The following SLC35F3 variants were observed in gnomAD, a reference collection of about 807,000 sequenced individuals.
The protein encoded by SLC35F3 is putative thiamine transporter SLC35F3.
In SLC35F3, 25 loss-of-function variants were observed where a neutral mutation model predicts 49.9. That is an observed-to-expected ratio of 0.50 (90% CI 0.37 to 0.70). SLC35F3 has a LOEUF of 0.70. Among genes scored for constraint, SLC35F3 ranks in the 30% least tolerant of loss-of-function variants. The probability of loss-of-function intolerance (pLI) is 0.00; values close to 1 mark genes in which losing one functional copy is unlikely to be tolerated. For synonymous variants in SLC35F3, 275 were observed against 265.4 expected (o/e 1.04, Z -0.35); for missense variants, 525 against 639.8 (o/e 0.82, Z 1.94).
At chr1:234,057,327 A>T (rs1194121395) in intron 2 of SLC35F3, among the ~76,000 whole-genome samples, 1 of 152,160 alleles carries the variant, frequency 6.6e-6, no homozygotes, top group African/African-American at 2.4e-5. Context: ...AATCTTATTT[A>T]ATTTCTTTCA....
At chr1:233,932,652 A>T (rs1379518671) in intron 2 of SLC35F3, among the ~76,000 whole-genome samples, 3 of 152,192 alleles carry the variant, frequency 2.0e-5, no homozygotes, top group Non-Finnish European at 2.9e-5. Flanking sequence ...ATCTCTTAAA[A>T]AGGTGGTATT....
intron 2 of SLC35F3, among the ~76,000 whole-genome samples, chr1:234,153,180 C>A (rs1289598344): frequency 6.6e-6 from 1 of 152,152 alleles, no homozygotes; most frequent in African/African-American, 2.4e-5. Context: ...CCTAAAGAAT[C>A]TTCTGGAAAC....
At chr1:233,969,898 A>G (rs1662965712) in intron 2 of SLC35F3, among the ~76,000 whole-genome samples, 1 of 151,620 alleles carries the variant, frequency 6.6e-6, no homozygotes, top group Non-Finnish European at 1.5e-5. Flanking sequence ...CAGGCAGGAG[A>G]AATGGCTGGG....
chr1:234,220,879 A>T (rs1050554532), intron 2 of SLC35F3, among the ~76,000 whole-genome samples: 2 of 152,192 alleles, frequency 1.3e-5, no homozygotes, highest in Admixed American at 1.3e-4. Flanking sequence ...TTTGAGGCCA[A>T]TGCCTGCAAA....
chr1:234,317,721 T>C (rs1657524913), intron 5 of SLC35F3, among the ~76,000 whole-genome samples: 1 of 152,140 alleles, frequency 6.6e-6, no homozygotes, highest in Non-Finnish European at 1.5e-5. Flanking sequence ...TCTGAGCACC[T>C]CTCACTGAGG....
intron 3 of SLC35F3, among the ~76,000 whole-genome samples, chr1:234,246,800 G>C (rs1667637556): frequency 6.6e-6 from 1 of 152,242 alleles, no homozygotes; most frequent in African/African-American, 2.4e-5. Flanking sequence ...ACTCCCAGAA[G>C]TGGTGAGAAC....
chr1:234,006,622 A>G (rs1188869500), intron 2 of SLC35F3, among the ~76,000 whole-genome samples: 3 of 152,234 alleles, frequency 2.0e-5, no homozygotes, highest in African/African-American at 4.8e-5. Context: ...CAAACAAAAT[A>G]ACTTTTACCT....
intron 3 of SLC35F3, among the ~76,000 whole-genome samples, chr1:234,296,258 C>T (rs2281599): frequency 0.35 from 52,438 of 151,724 alleles, 9,553 homozygotes; most frequent in African/African-American, 0.44. Flanking sequence ...TCATCTCCTA[C>T]GTCCATCGCA....
intron 2 of SLC35F3, among the ~76,000 whole-genome samples, chr1:234,203,264 T>TA (rs912372768): frequency 1.6e-4 from 24 of 152,220 alleles, no homozygotes; most frequent in African/African-American, 5.3e-4. Flanking sequence ...TTTTACATTT[T>TA]AAAAAACAGA....
intron 2 of SLC35F3, among the ~76,000 whole-genome samples, chr1:233,999,394 C>A (rs1340247584): frequency 6.7e-6 from 1 of 150,142 alleles, no homozygotes; most frequent in African/African-American, 2.4e-5. Flanking sequence ...TTCCCCAAAG[C>A]ACCACTCTTA....
intron 2 of SLC35F3, among the ~76,000 whole-genome samples, chr1:234,095,721 T>C (rs528584848): frequency 1.9e-4 from 29 of 152,334 alleles, no homozygotes; most frequent in Non-Finnish European, 3.1e-4. Context: ...GGTCTAATCA[T>C]AGTTCTGCCA....
chr1:234,049,772 T>G (rs1489487229), intron 2 of SLC35F3, among the ~76,000 whole-genome samples: 1 of 152,190 alleles, frequency 6.6e-6, no homozygotes, highest in Non-Finnish European at 1.5e-5. Context: ...TATCTCCTAA[T>G]GCTATCCCTC....
chr1:234,109,233 C>T (rs1665368985), intron 2 of SLC35F3, among the ~76,000 whole-genome samples: 1 of 152,160 alleles, frequency 6.6e-6, no homozygotes, highest in African/African-American at 2.4e-5. Flanking sequence ...AAGAAAGTAA[C>T]ACTCCCTGCT....
chr1:234,095,131 A>G (rs983969896), intron 2 of SLC35F3, among the ~76,000 whole-genome samples: 14 of 152,088 alleles, frequency 9.2e-5, no homozygotes, highest in Non-Finnish European at 4.4e-5. Flanking sequence ...AAATTTTACT[A>G]TTTATTAGAT....
Position 234,232,535 on chromosome 1 carries a change from A to AAAAG in SLC35F3, c.608+797_608+798insGAAA, listed in dbSNP as rs1553317274. ...AGGCCTAGTCAAAAAAAAAAAAAAA[A>AAAAG]AAAAAGAAAAAGAAAAAAAGAAACA... is the stretch of plus-strand genomic sequence containing the variant. On this transcript the variant is annotated intron_variant, in intron 3 of 7. Transcript: ENST00000366618. 9.7e-5 allele frequency among the ~76,000 whole-genome samples: 14 copies of AAAAG among 144,826 alleles called. 1 individual carries two copies. Among genetic ancestry groups the AAAAG allele is most frequent in the South Asian group, 4.3e-4 (2 of 4,692 alleles).
chr1:234,180,229 G>A (rs978465767), intron 2 of SLC35F3, among the ~76,000 whole-genome samples: 4 of 152,142 alleles, frequency 2.6e-5, no homozygotes, highest in Non-Finnish European at 4.4e-5. Context: ...AAAGGATGTG[G>A]CTAATCATTC....
intron 2 of SLC35F3, among the ~76,000 whole-genome samples, chr1:234,109,011 T>G (rs1665365455): frequency 6.6e-6 from 1 of 151,498 alleles, no homozygotes; most frequent in Non-Finnish European, 1.5e-5. Context: ...CTGCCACCAA[T>G]CTCAGGGAGT....
intron 2 of SLC35F3, among the ~76,000 whole-genome samples, chr1:234,128,996 C>T (rs1037818885): frequency 6.6e-6 from 1 of 152,186 alleles, no homozygotes; most frequent in Non-Finnish European, 1.5e-5. Flanking sequence ...GTGGTAAATT[C>T]CACACAAACA....
chr1:234,121,160 G>A (rs1445759538), intron 2 of SLC35F3, among the ~76,000 whole-genome samples: 5 of 127,186 alleles, frequency 3.9e-5, no homozygotes, highest in Admixed American at 9.9e-5. Context: ...TTTTTGAGAC[G>A]GAGTCTTGCT....
Sources: allele counts gnomAD v4.1 joint callset (sites outside exome capture counted in the v4.1 genomes callset), GRCh38; gene constraint gnomAD v4.1.1; transcripts MANE v1.5; gene names NCBI Gene and HGNC (gene_info 2026-07-23, HGNC 2026-07-21).